Variants in DSCAML1 observed in about 807,000 individuals in gnomAD.
DSCAML1 encodes the protein cell adhesion molecule DSCAML1.
In DSCAML1, 38 loss-of-function variants were observed where a neutral mutation model predicts 200.5. The ratio of observed to expected loss-of-function variants is 0.19; its 90% confidence interval spans 0.15 to 0.25. The LOEUF is 0.25. Among genes scored for constraint, DSCAML1 ranks in the 10% least tolerant of loss-of-function variants. The pLI is 1.00. For missense variants in DSCAML1, 2,223 were observed against 2,858.8 expected, an observed-to-expected ratio of 0.78 and a Z score of 5.07; for synonymous variants, 1,215 against 1,165.0, an observed-to-expected ratio of 1.04 and a Z score of -0.87.
At position 117,428,659 on chromosome 11, in the gene DSCAML1, A is replaced by T; in HGVS notation, c.5831T>A (p.Leu1944Gln). 6.2e-7 allele frequency: 1 copy of T among 1,612,212 alleles called. No individual in the cohort carries two copies. The highest frequency in any genetic ancestry group is 8.5e-7 in the Non-Finnish European group (1 of 1,179,366). The stretch of plus-strand genomic sequence containing the variant: ...GGACTTGCTGGCAGGGTCCAGGGTC[A>T]GGTGGCGAGCCTGGGTGTGGTAGGT... ...ARTYHTQARHLTLDPASKSLG... is the reference protein window; with the variant it reads ...ARTYHTQARHQTLDPASKSLG... Residue 1944 changes from leucine (L) to glutamine (Q), a missense_variant, in exon 33 of 33, where the codon CTG becomes CAG. Leu to Gln is a moderately radical substitution (Grantham distance 113, BLOSUM62 -2). Coordinates refer to ENST00000651296, the MANE Select transcript of DSCAML1 (RefSeq NM_020693.4).
At chr11:117,628,420 C>G (rs138849824) in intron 3 of DSCAML1, among the ~76,000 whole-genome samples, 4 of 152,206 alleles carry the variant, frequency 2.6e-5, no homozygotes, top group African/African-American at 9.7e-5. Context: ...CCGACCTCCT[C>G]GTGCAGGGAG....
intron 3 of DSCAML1, 46 bp from the exon 4 acceptor site, chr11:117,532,568 C>T (rs2050102798): frequency 6.3e-7 from 1 of 1,589,488 alleles, no homozygotes; most frequent in Non-Finnish European, 8.6e-7. Flanking sequence ...CGGTTTCGTA[C>T]AGCCTCAGAG....
intron 3 of DSCAML1, among the ~76,000 whole-genome samples, chr11:117,663,249 C>T (rs777215797): frequency 3.9e-5 from 6 of 152,298 alleles, no homozygotes; most frequent in South Asian, 4.2e-4. Flanking sequence ...TCTGATCTCA[C>T]GGCTTACCTT....
At chr11:117,517,011 G>A (rs775525308) in intron 7 of DSCAML1, among the ~76,000 whole-genome samples, 1 of 152,318 alleles carries the variant, frequency 6.6e-6, no homozygotes, top group East Asian at 1.9e-4. Context: ...TTGGCCAAGA[G>A]CCATTCCCCT....
At chr11:117,643,268 A>G (rs566683645) in intron 3 of DSCAML1, among the ~76,000 whole-genome samples, 87 of 152,274 alleles carry the variant, frequency 5.7e-4, no homozygotes, top group Non-Finnish European at 3.8e-4. Flanking sequence ...GACTCAATTC[A>G]TGGGTGTCAG....
At chr11:117,486,911 C>CTTTTTTTTTTTTTTTTTTTTTTTT (rs56805170) in intron 11 of DSCAML1, among the ~76,000 whole-genome samples, 1 of 79,622 alleles carries the variant, frequency 1.3e-5, no homozygotes, top group Non-Finnish European at 2.3e-5. Flanking sequence ...TGTAAAATAC[C>CTTTTTTTTTTTTTTTTTTTTTTTT]TTTTTTTTTT....
At chr11:117,790,821 CT>C (rs1217323730) in intron 1 of DSCAML1, among the ~76,000 whole-genome samples, 78 of 152,182 alleles carry the variant, frequency 5.1e-4, no homozygotes, top group Admixed American at 5.1e-3. Flanking sequence ...ACAGGCTGAG[CT>C]TTGTTTTTTA....
chr11:117,616,686 C>T (rs945550657), intron 3 of DSCAML1, among the ~76,000 whole-genome samples: 1 of 152,052 alleles, frequency 6.6e-6, no homozygotes, highest in Non-Finnish European at 1.5e-5. Flanking sequence ...CAAGGGGACT[C>T]CTGGGGTGCT....
At position 117,540,315 on chromosome 11, in the gene DSCAML1, T is replaced by G. The variant is rs565892738; in HGVS notation, c.512-7793A>C. 7.2e-5 allele frequency among the ~76,000 whole-genome samples: 11 copies of G among 152,250 alleles called. No individual in the cohort carries two copies. The South Asian group carries it at 2.3e-3, about 32-fold the overall frequency. On this transcript the variant is annotated intron_variant, in intron 3 of 32. Transcript: ENST00000651296. ...GGAGTGCGAACCCTATTGTGAACTGTGCCTGCGAGGGATCTAGGTTGCACG... is the reference window on the plus strand; with the variant it reads ...GGAGTGCGAACCCTATTGTGAACTGGGCCTGCGAGGGATCTAGGTTGCACG...
chr11:117,541,490 C>T (rs935172724), intron 3 of DSCAML1, among the ~76,000 whole-genome samples: 6 of 152,232 alleles, frequency 3.9e-5, no homozygotes, highest in African/African-American at 1.4e-4. Context: ...AACTTCCAAC[C>T]TGGACTCCTG....
chr11:117,449,771 C>T (rs572679807), intron 20 of DSCAML1, among the ~76,000 whole-genome samples: 2 of 152,352 alleles, frequency 1.3e-5, no homozygotes, highest in South Asian at 2.1e-4. Context: ...GTACCTAGAA[C>T]AGGCATTCTC....
At chr11:117,509,828 G>C (rs1341288877) in intron 8 of DSCAML1, among the ~76,000 whole-genome samples, 1 of 152,228 alleles carries the variant, frequency 6.6e-6, no homozygotes, top group Non-Finnish European at 1.5e-5. Flanking sequence ...GGTGGGGTCT[G>C]ACCCCCTGCA....
intron 3 of DSCAML1, among the ~76,000 whole-genome samples, chr11:117,671,442 C>T (rs199680420): frequency 6.6e-6 from 1 of 152,212 alleles, no homozygotes; most frequent in African/African-American, 2.4e-5. Context: ...CTCCCAACAG[C>T]AGTCTGGGAT....
At chr11:117,697,316 G>A (rs899001076) in intron 3 of DSCAML1, among the ~76,000 whole-genome samples, 7 of 152,148 alleles carry the variant, frequency 4.6e-5, no homozygotes, top group African/African-American at 7.2e-5. Context: ...CTGCCCTGTC[G>A]CATACACTGA....
chr11:117,596,785 A>G (rs1218400654), intron 3 of DSCAML1, among the ~76,000 whole-genome samples: 1 of 152,254 alleles, frequency 6.6e-6, no homozygotes, highest in Non-Finnish European at 1.5e-5. Flanking sequence ...TAATTAATGC[A>G]TAAAAGGGAA....
chr11:117,596,557 T>C (rs574581732), intron 3 of DSCAML1, among the ~76,000 whole-genome samples: 15 of 152,276 alleles, frequency 9.9e-5, no homozygotes, highest in Admixed American at 2.6e-4. Context: ...AGATGCAAGA[T>C]GATGGATAAT....
In DSCAML1 at chr11:117,691,224, G is replaced by A. The variant is rs114895516; in HGVS notation, c.511+85567C>T. 2.0e-3 allele frequency among the ~76,000 whole-genome samples: 307 copies of A among 152,202 alleles called. 1 individual carries two copies. The highest frequency in any genetic ancestry group is 6.8e-3 in the African/African-American group (281 of 41,518). On this transcript the variant is annotated intron_variant, in intron 3 of 32. Transcript: ENST00000651296. ...GCAGGTGGGCAGCTTCTCTGCACACGGGGATCCTAGGGAGATGGACCTCCC... is the reference window on the plus strand; with the variant it reads ...GCAGGTGGGCAGCTTCTCTGCACACAGGGATCCTAGGGAGATGGACCTCCC...
chr11:117,531,742 C>T (rs2050079771), intron 4 of DSCAML1, among the ~76,000 whole-genome samples: 1 of 151,830 alleles, frequency 6.6e-6, no homozygotes, highest in African/African-American at 2.4e-5. Context: ...AAAAATTAGC[C>T]GGGCGTGGTG....
intron 3 of DSCAML1, among the ~76,000 whole-genome samples, chr11:117,650,031 G>A (rs1274001513): frequency 1.3e-5 from 2 of 152,220 alleles, no homozygotes; most frequent in East Asian, 3.9e-4. Flanking sequence ...GGTTGGCACA[G>A]GCTAGGCCAC....
Sources: gnomAD v4.1 joint callset for allele counts (sites outside exome capture counted in the v4.1 genomes callset) on GRCh38, gnomAD v4.1.1 for gene constraint, MANE v1.5 for transcripts, NCBI Gene and HGNC (gene_info 2026-07-23, HGNC 2026-07-21) for gene names.